ADAMTS17: variants seen among roughly 807,000 people sequenced by gnomAD.
ADAMTS17 encodes the protein A disintegrin and metalloproteinase with thrombospondin motifs 17.
ADAMTS17 carries 113 observed loss-of-function variants against 141.5 expected under a neutral mutation model. The ratio of observed to expected loss-of-function variants is 0.80; its 90% CI spans 0.69 to 0.93. The LOEUF is 0.93. Ranked by LOEUF, ADAMTS17 falls within the 40% of genes least tolerant of loss-of-function variation. The pLI, the probability that ADAMTS17 is intolerant of heterozygous loss-of-function variation, is 0.00. For synonymous variants in ADAMTS17, 768 were observed against 630.6 expected, an observed-to-expected ratio of 1.22 and a Z score of -3.27; for missense variants, 1,659 against 1,517.9, an observed-to-expected ratio of 1.09 and a Z score of -1.54.
intron 15 of ADAMTS17, among the ~76,000 whole-genome samples, chr15:100,069,681 A>T (rs1042771988): frequency 6.2e-4 from 95 of 152,090 alleles, no homozygotes; most frequent in African/African-American, 2.2e-3. Flanking sequence ...TACTATACAG[A>T]CAAGCAAATG....
chr15:100,091,944 C>T (rs1302669316), intron 15 of ADAMTS17, among the ~76,000 whole-genome samples: 1 of 152,138 alleles, frequency 6.6e-6, no homozygotes, highest in South Asian at 2.1e-4. Context: ...TTGGGAAACC[C>T]GTGAGGCTAG....
intron 7 of ADAMTS17, among the ~76,000 whole-genome samples, chr15:100,234,841 C>G (rs545323396): frequency 6.6e-6 from 1 of 152,290 alleles, no homozygotes; most frequent in African/African-American, 2.4e-5. Context: ...CCAAGGCGCC[C>G]CCTCCACAGC....
chr15:100,099,196 T>A (rs898574795), intron 14 of ADAMTS17, among the ~76,000 whole-genome samples: 5 of 152,174 alleles, frequency 3.3e-5, no homozygotes, highest in Non-Finnish European at 7.3e-5. Flanking sequence ...GACAGGTCCA[T>A]GGGTTCTGCC....
intron 14 of ADAMTS17, 72 bp downstream of exon 14, chr15:100,108,917 C>T (rs1288810297): frequency 6.9e-5 from 111 of 1,608,180 alleles, no homozygotes; most frequent in Non-Finnish European, 9.2e-5. Flanking sequence ...TCTGCTCTAC[C>T]CCACTCCCTG....
intron 18 of ADAMTS17, among the ~76,000 whole-genome samples, chr15:100,039,747 G>A (rs900913272): frequency 2.0e-5 from 3 of 152,140 alleles, no homozygotes; most frequent in Admixed American, 2.0e-4. Flanking sequence ...GGTTTGGTTG[G>A]TTTATACTGT....
At chr15:100,056,760 C>T (rs1032634852) in intron 15 of ADAMTS17, among the ~76,000 whole-genome samples, 1 of 152,116 alleles carries the variant, frequency 6.6e-6, no homozygotes, top group Non-Finnish European at 1.5e-5. Context: ...GTTGGGGGAA[C>T]AGCAGATGTA....
chr15:100,003,184 C>T (rs949726798), intron 18 of ADAMTS17, among the ~76,000 whole-genome samples: 10 of 152,124 alleles, frequency 6.6e-5, no homozygotes, highest in Admixed American at 2.6e-4. Flanking sequence ...AATGCACTCA[C>T]GACCATGGGT....
intron 18 of ADAMTS17, among the ~76,000 whole-genome samples, chr15:100,023,829 C>T (rs985578508): frequency 6.6e-6 from 1 of 152,164 alleles, no homozygotes; most frequent in African/African-American, 2.4e-5. Context: ...GCATCTTGGG[C>T]TATTCTCACT....
chr15:100,020,548 C>T (rs543545156), intron 18 of ADAMTS17, among the ~76,000 whole-genome samples: 8 of 152,276 alleles, frequency 5.3e-5, no homozygotes, highest in East Asian at 3.9e-4. Flanking sequence ...CCCCCAGAGC[C>T]ATCAGGAGCC....
At chr15:100,125,083 C>T (rs2037661670) in intron 12 of ADAMTS17, among the ~76,000 whole-genome samples, 1 of 152,166 alleles carries the variant, frequency 6.6e-6, no homozygotes, top group Non-Finnish European at 1.5e-5. Flanking sequence ...CCAGCTTCAC[C>T]ATCCAGAGAC....
At position 100,153,225 on chromosome 15, in the gene ADAMTS17, G is replaced by A. The variant is rs115154844; in HGVS notation, c.1323-463C>T. ...CTTCAGGTTCTTTTCGAGTGCTTGTGGGACCTCGGTGTCTCACTTGACCAC... is the reference window on the plus strand; with the variant it reads ...CTTCAGGTTCTTTTCGAGTGCTTGTAGGACCTCGGTGTCTCACTTGACCAC... On this transcript the variant is annotated intron_variant, in intron 9 of 21. Transcript: ENST00000268070. 6.1e-3 allele frequency among the ~76,000 whole-genome samples: 935 copies of A among 152,272 alleles called. 17 individuals carry two copies. The highest frequency in any genetic ancestry group is 0.021 in the African/African-American group (886 of 41,558).
intron 18 of ADAMTS17, among the ~76,000 whole-genome samples, chr15:100,038,183 T>A (rs1043636894): frequency 3.3e-5 from 5 of 152,346 alleles, no homozygotes; most frequent in African/African-American, 1.2e-4. Flanking sequence ...ACAGTAACTG[T>A]GAAGATTTAT....
chr15:100,125,151 C>A (rs2037665575), intron 12 of ADAMTS17, among the ~76,000 whole-genome samples: 1 of 152,202 alleles, frequency 6.6e-6, no homozygotes, highest in South Asian at 2.1e-4. Flanking sequence ...GCCCCTGGCT[C>A]TGTGAGCTCT....
intron 12 of ADAMTS17, among the ~76,000 whole-genome samples, chr15:100,123,970 C>CTT (rs11430256): frequency 1.4e-4 from 20 of 146,240 alleles, no homozygotes; most frequent in African/African-American, 2.7e-4. Context: ...TGTTCTAGGA[C>CTT]TTTTTTTTTT....
intron 14 of ADAMTS17, among the ~76,000 whole-genome samples, chr15:100,106,774 C>A (rs8041815): frequency 0.66 from 100,584 of 152,136 alleles, 33,949 homozygotes; most frequent in African/African-American, 0.8. Context: ...TAATTTGGGT[C>A]GGACACCAGC....
intron 10 of ADAMTS17, among the ~76,000 whole-genome samples, chr15:100,142,764 G>A (rs770196651): frequency 8.5e-5 from 13 of 152,214 alleles, no homozygotes; most frequent in African/African-American, 2.9e-4. Flanking sequence ...GGCAATTAAC[G>A]AGAAAAGAGA....
intron 3 of ADAMTS17, among the ~76,000 whole-genome samples, chr15:100,307,291 C>G (rs1394865976): frequency 1.3e-5 from 2 of 152,154 alleles, no homozygotes; most frequent in Non-Finnish European, 2.9e-5. Context: ...CAGGGCCACT[C>G]AAATCCTTTC....
intron 3 of ADAMTS17, among the ~76,000 whole-genome samples, chr15:100,297,762 C>T (rs905556856): frequency 1.3e-5 from 2 of 152,158 alleles, no homozygotes; most frequent in Non-Finnish European, 2.9e-5. Context: ...ATACTTCATT[C>T]CAATGCCTCA....
At chr15:100,326,086 T>C (rs2141931254) in intron 3 of ADAMTS17, among the ~76,000 whole-genome samples, 1 of 152,334 alleles carries the variant, frequency 6.6e-6, no homozygotes, top group South Asian at 2.1e-4. Flanking sequence ...GGGACTCTTT[T>C]TCTGGGGTTA....
Sources: gnomAD v4.1 joint callset for allele counts (sites outside exome capture counted in the v4.1 genomes callset) on GRCh38, gnomAD v4.1.1 for gene constraint, MANE v1.5 for transcripts, NCBI Gene and HGNC (gene_info 2026-07-23, HGNC 2026-07-21) for gene names.